Variants in TARS2 observed in about 807,000 individuals in gnomAD.
The protein encoded by TARS2 is threonyl-tRNA synthetase 2, mitochondrial.
Under a neutral mutation model 94.4 loss-of-function variants are expected in TARS2, and 61 were observed. The ratio of observed to expected loss-of-function variants is 0.65; its 90% CI spans 0.53 to 0.80. The LOEUF is 0.80. TARS2 is among the 30% of genes least tolerant of loss of function. TARS2 has a pLI of 0.00. For missense variants in TARS2, 704 were observed against 902.5 expected (o/e 0.78, Z 2.82); for synonymous variants, 359 against 353.4 (o/e 1.02, Z -0.18).
chr1:150,492,499 G>A lies in TARS2; in HGVS notation c.774+10G>A. The A allele has an allele frequency of 6.2e-7, 1 of 1,613,208 alleles. No individual in the cohort carries two copies. The highest frequency in any genetic ancestry group is 8.5e-7 in the Non-Finnish European group (1 of 1,179,690). ...ACTGAAGCTGCTATCGGTCAGTTGT[G>A]GGACAGAGTTAGGTTAAGATTCCTA... On this transcript the variant is annotated intron_variant, in intron 7 of 17. Coordinates refer to ENST00000369064, the MANE Select transcript of TARS2 (RefSeq NM_025150.5).
Position 150,488,226 on chromosome 1 carries a change from G to T in TARS2, c.263+172G>T, listed in dbSNP as rs963122986. 1.4e-5 allele frequency: 10 copies of T among 733,794 alleles called. No homozygotes were observed. The Admixed American group carries it at 1.8e-4, about 13-fold the overall frequency. 45.5% of individuals were successfully genotyped at this position (733,794 alleles called of 1,614,324 possible). ...TGTTGTTGTTCTTTTATACAGACGG[G>T]GTCTCTCCATGTTGCCCAGGCTAGT... On this transcript the variant is annotated intron_variant, in intron 2 of 17. Transcript: ENST00000369064.
chr1:150,497,519 C>G lies in TARS2; in HGVS notation c.1021-11C>G, dbSNP rs1669716722. 1 of 1,612,992 alleles carries G rather than the reference C, an allele frequency of 6.2e-7. No individual in the cohort carries two copies. The highest frequency in any genetic ancestry group is 8.5e-7 in the Non-Finnish European group (1 of 1,179,560). ...TACTCTGACCTTCCATGTCTGTACC[C>G]TCCTCTCCAGGCTGAGTATGCCCAT... On this transcript the variant is annotated splice_polypyrimidine_tract_variant and intron_variant, in intron 9 of 17. Coordinates refer to ENST00000369064, the MANE Select transcript of TARS2 (RefSeq NM_025150.5).
chr1:150,498,877 C>A lies in TARS2; in HGVS notation c.1402-20C>A. ...CTCTAGCGGGCTCACAGCTCACTGA[C>A]CCTTATTTCCTGCCCCTAGCTGGAA... On this transcript the variant is annotated intron_variant, in intron 11 of 17. Transcript: ENST00000369064. 6.2e-7 allele frequency: 1 copy of A among 1,614,186 alleles called. No homozygotes were observed. Among genetic ancestry groups the A allele is most frequent in the Non-Finnish European group, 8.5e-7 (1 of 1,180,014 alleles).
intron 5 of TARS2, 38 bp from the exon 6 acceptor site, chr1:150,491,560 A>T: frequency 6.2e-7 from 1 of 1,614,136 alleles, no homozygotes; most frequent in Non-Finnish European, 8.5e-7. Flanking sequence ...TTGTGGGAAT[A>T]AACACTTTTC....
At position 150,507,277 on chromosome 1, in the gene TARS2, A is replaced by AT. The variant is rs1670272166; in HGVS notation, c.*213_*214insT. Reference sequence around the variant, plus strand: ...TGTGAGGAGAATGAAACTACAAAAAAAAATAAATTGGGCCAGGCGCAGTGG... The same window carrying AT: ...TGTGAGGAGAATGAAACTACAAAAAATAAATAAATTGGGCCAGGCGCAGTGG... On this transcript the variant is annotated 3_prime_UTR_variant, in exon 18 of 18. Transcript: ENST00000369064. 1 of 604,972 alleles carries AT rather than the reference A, an allele frequency of 1.7e-6. No homozygotes were observed. Among genetic ancestry groups the AT allele is most frequent in the African/African-American group, 1.9e-5 (1 of 53,826 alleles). 37.5% of individuals were successfully genotyped at this position (604,972 alleles called of 1,614,324 possible). A position where few individuals can be genotyped will look rare whatever the true frequency, so the allele number is the denominator to read the frequency against.
Position 150,490,620 on chromosome 1 carries a change from C to T in TARS2, c.407C>T (p.Thr136Ile), listed in dbSNP as rs766473525. The T allele has an allele frequency of 6.2e-7, 1 of 1,613,888 alleles. No homozygotes were observed. The highest frequency in any genetic ancestry group is 8.5e-7 in the Non-Finnish European group (1 of 1,179,960). ...ACCCAGGTGTTCTGGCACTCCAGCACCCATGTCCTGGGGGCAGCAGCTGAA... is the reference window on the plus strand; with the variant it reads ...ACCCAGGTGTTCTGGCACTCCAGCATCCATGTCCTGGGGGCAGCAGCTGAA... ...EGKAVFWHSSTHVLGAAAEQF... is the reference protein window; with the variant it reads ...EGKAVFWHSSIHVLGAAAEQF... The change falls in exon 4 of 18, where the codon ACC becomes ATC. Residue 136 changes from threonine (T) to isoleucine (I), a missense_variant. Thr to Ile is a moderately conservative substitution (Grantham distance 89). Coordinates refer to ENST00000369064, the MANE Select transcript of TARS2 (RefSeq NM_025150.5).
At chr1:150,490,554 T>G in intron 3 of TARS2, 47 bp from the exon 4 acceptor site, 1 of 1,598,094 alleles carries the variant, frequency 6.3e-7, no homozygotes, top group Non-Finnish European at 8.5e-7. Flanking sequence ...ATCTAGGGGT[T>G]AAGGGAGAAG....
In TARS2 at chr1:150,487,894, C is replaced by T; in HGVS notation, c.103C>T (p.Arg35Trp). The change falls in exon 2 of 18, where the codon CGG becomes TGG. Residue 35 changes from arginine (R) to tryptophan (W), a missense_variant. By Grantham distance (101) the Arg-to-Trp change is moderately radical. Around this residue, in one of 3 missense-constraint regions of TARS2, gnomAD observed 208 missense variants for 228.5 expected, o/e 0.91. Transcript: ENST00000369064. ...VSTPPRWLAERLGLFEELWAA... is the reference protein window; with the variant it reads ...VSTPPRWLAEWLGLFEELWAA... ...GACCCCTCCACGCTGGTTGGCAGAG[C>T]GGCTTGGCCTTTTTGAGGAGCTGTG... 1.2e-6 allele frequency: 2 copies of T among 1,613,614 alleles called. No homozygotes were observed. The highest frequency in any genetic ancestry group is 2.7e-5 in the African/African-American group (2 of 75,034).
intron 7 of TARS2, among the ~76,000 whole-genome samples, chr1:150,492,874 TTC>T (rs1340659284): frequency 6.6e-6 from 1 of 150,564 alleles, no homozygotes; most frequent in Non-Finnish European, 1.5e-5. Context: ...AGGTGATACT[TTC>T]TGTCGGCACC....
At chr1:150,500,558 C>A (rs1669867495) in intron 13 of TARS2, among the ~76,000 whole-genome samples, 1 of 151,736 alleles carries the variant, frequency 6.6e-6, no homozygotes. Flanking sequence ...TGCACCCTAG[C>A]CTGGGCAACA....
At position 150,489,013 on chromosome 1, in the gene TARS2, T is replaced by G; in HGVS notation, c.313T>G (p.Tyr105Asp). 6.2e-7 allele frequency: 1 copy of G among 1,614,230 alleles called. No individual in the cohort carries two copies. The highest frequency in any genetic ancestry group is 8.5e-7 in the Non-Finnish European group (1 of 1,180,038). Residue 105 changes from tyrosine to aspartate, a missense_variant, in exon 3 of 18, where the codon TAT becomes GAT. Coordinates refer to ENST00000369064, the MANE Select transcript of TARS2 (RefSeq NM_025150.5). ...GGCTGCTCAAGTGAATGGAGAACCT[T>G]ATGATCTGGAGCGGCCCTTGGAGAC... ...AVAAQVNGEP[Y>D]DLERPLETDS...
intron 14 of TARS2, 90 bp downstream of exon 14, chr1:150,504,525 C>T (rs1570869728): frequency 6.4e-7 from 1 of 1,566,006 alleles, no homozygotes; most frequent in East Asian, 2.2e-5. Flanking sequence ...CCCTCCACAC[C>T]CTCTCCTGCC....
At chr1:150,502,425 C>T (rs1483859130) in intron 13 of TARS2, among the ~76,000 whole-genome samples, 3 of 145,624 alleles carry the variant, frequency 2.1e-5, no homozygotes, top group Non-Finnish European at 3.0e-5. Context: ...TTTACTCTGT[C>T]GCCAGGCTGG....
At position 150,507,126 on chromosome 1, in the gene TARS2, C is replaced by T; in HGVS notation, c.*62C>T. The T allele has an allele frequency of 1.3e-6, 2 of 1,597,704 alleles. No individual in the cohort carries two copies. The highest frequency in any genetic ancestry group is 2.2e-5 in the East Asian group (1 of 44,612). On this transcript the variant is annotated 3_prime_UTR_variant, in exon 18 of 18. Transcript: ENST00000369064. ...CCATCAGCCTCCCTCACATGGGAGA[C>T]CCCAACCCAGCTGACAATGTGGAGC...
In TARS2 at chr1:150,492,489, G is replaced by A. The variant is rs777917633; in HGVS notation, c.774G>A (p.Ser258=). The stretch of plus-strand genomic sequence containing the variant: ...AGATTGGAGGACTGAAGCTGCTATC[G>A]GTCAGTTGTGGGACAGAGTTAGGTT... ...TGQIGGLKLL[S]NSSSLWRSSG... Residue 258 remains serine, a splice_region_variant and synonymous_variant, in exon 7 of 18, where the codon TCG becomes TCA. Coordinates refer to ENST00000369064, the MANE Select transcript of TARS2 (RefSeq NM_025150.5). The A allele has an allele frequency of 8.1e-6, 13 of 1,613,312 alleles. No homozygotes were observed. Among genetic ancestry groups the A allele is most frequent in the Admixed American group, 3.3e-5 (2 of 59,956 alleles).
At position 150,487,439 on chromosome 1, in the gene TARS2, G is replaced by C. The variant is rs370926339; in HGVS notation, c.-12G>C. On this transcript the variant is annotated 5_prime_UTR_variant, in exon 1 of 18. Coordinates refer to ENST00000369064, the MANE Select transcript of TARS2 (RefSeq NM_025150.5). ...AATCTGTTTGAGGATGTAGGCACTG[G>C]TGTGAAGGAACATGGCCCTGTATCA... 1 of 1,614,204 alleles carries C rather than the reference G, an allele frequency of 6.2e-7. No homozygotes were observed. The highest frequency in any genetic ancestry group is 1.1e-5 in the South Asian group (1 of 91,086).
chr1:150,503,646 T>C (rs587754407), intron 13 of TARS2, among the ~76,000 whole-genome samples: 3 of 113,874 alleles, frequency 2.6e-5, no homozygotes, highest in Admixed American at 1.2e-4. Context: ...TGTGTATATA[T>C]GTGTGTATAT....
chr1:150,487,586 G>T lies in TARS2; in HGVS notation c.66+70G>T. The T allele has an allele frequency of 2.5e-6, 4 of 1,600,328 alleles. No individual in the cohort carries two copies. The East Asian group carries it at 9.0e-5, about 36-fold the overall frequency. ...CCAGCCGAAGCCCCCAAATTTTTAT[G>T]TTAACCCAGCCTCACGCCACTCCTC... On this transcript the variant is annotated intron_variant, in intron 1 of 17. Transcript: ENST00000369064.
intron 11 of TARS2, 93 bp downstream of exon 11, chr1:150,498,757 A>C: frequency 6.2e-7 from 1 of 1,606,600 alleles, no homozygotes; most frequent in Non-Finnish European, 8.5e-7. Context: ...TGCCCCCTGT[A>C]TGTACTATAA....
Sources: gnomAD v4.1 joint callset for allele counts (sites outside exome capture counted in the v4.1 genomes callset) on GRCh38, gnomAD v4.1.1 for gene constraint, gnomAD v4.1.1 regional missense constraint, MANE v1.5 for transcripts, NCBI Gene and HGNC (gene_info 2026-07-23, HGNC 2026-07-21) for gene names.